AMBRA1: variants seen among roughly 807,000 people sequenced by gnomAD.
AMBRA1 encodes activating molecule in BECN1-regulated autophagy protein 1.
In AMBRA1, 47 loss-of-function variants were observed where a neutral mutation model predicts 125.4. The ratio of observed to expected loss-of-function variants is 0.37; its 90% CI spans 0.30 to 0.48. The LOEUF is 0.48. AMBRA1 is among the 20% of genes least tolerant of loss of function. AMBRA1 has a pLI of 0.99. For synonymous variants in AMBRA1, 626 were observed against 655.5 expected (o/e 0.95, Z 0.69); for missense variants, 1,331 against 1,693.4 (o/e 0.79, Z 3.76).
In AMBRA1 at chr11:46,542,595, T is replaced by C; in HGVS notation, c.1422A>G (p.Ala474=). The C allele has an allele frequency of 1.9e-6, 3 of 1,613,914 alleles. No homozygotes were observed. The highest frequency in any genetic ancestry group is 1.7e-6 in the Non-Finnish European group (2 of 1,180,026). The change falls in exon 7 of 18, where the codon GCA becomes GCG. Residue 474 remains alanine (A), a synonymous_variant. Transcript: ENST00000683756. This position sits in a 1 kb window ranked among gnomAD's most constrained non-coding sequence, Gnocchi z 5.9. ...TSATEGRGFP[A]SGLATESDGG... ...CATCTGACTCAGTTGCCAACCCTGATGCCGGAAAACCCCTCCCTTCTGTGG... is the reference window on the plus strand; with the variant it reads ...CATCTGACTCAGTTGCCAACCCTGACGCCGGAAAACCCCTCCCTTCTGTGG...
chr11:46,497,932 C>G (rs1378551407), intron 9 of AMBRA1, among the ~76,000 whole-genome samples: 2 of 152,048 alleles, frequency 1.3e-5, no homozygotes, highest in African/African-American at 4.8e-5. Flanking sequence ...AGTGGAAGAA[C>G]TGAAGGGAGA....
At position 46,397,558 on chromosome 11, in the gene AMBRA1, A is replaced by T. The variant is rs754257749; in HGVS notation, c.3789T>A (p.Ala1263=). Residue 1263 remains alanine, a synonymous_variant, in exon 18 of 18, where the codon GCT becomes GCA. Transcript: ENST00000683756. The part of the protein sequence containing the change: ...PVPIPVSLPS[A]EGPTLHCELT... ...ACTCGCAGTGGAGGGTTGGTCCCTCAGCGCTGGGAAGGGAAACAGGAATGG... is the reference window on the plus strand; with the variant it reads ...ACTCGCAGTGGAGGGTTGGTCCCTCTGCGCTGGGAAGGGAAACAGGAATGG... 1 of 1,565,730 alleles carries T rather than the reference A, an allele frequency of 6.4e-7. No individual in the cohort carries two copies.
At chr11:46,519,275 T>C (rs1951656720) in intron 7 of AMBRA1, among the ~76,000 whole-genome samples, 1 of 138,026 alleles carries the variant, frequency 7.2e-6, no homozygotes, top group South Asian at 2.1e-4. Context: ...CCACCCACTT[T>C]GGCCTCCCAA....
chr11:46,536,114 C>T (rs1020603512), intron 7 of AMBRA1, among the ~76,000 whole-genome samples: 2 of 152,132 alleles, frequency 1.3e-5, no homozygotes, highest in Non-Finnish European at 2.9e-5. Flanking sequence ...ATCTTTTTTA[C>T]TAAAAAGGCC....
chr11:46,553,168 C>T (rs1172761032), intron 1 of AMBRA1, among the ~76,000 whole-genome samples: 2 of 151,916 alleles, frequency 1.3e-5, no homozygotes, highest in South Asian at 4.2e-4. Flanking sequence ...GTCTCGAACT[C>T]CTGACCTCAG....
At chr11:46,468,485 C>G (rs946892670) in intron 11 of AMBRA1, among the ~76,000 whole-genome samples, 1 of 151,944 alleles carries the variant, frequency 6.6e-6, no homozygotes, top group African/African-American at 2.4e-5. Context: ...CCTAGTAGCA[C>G]AAGCATCACT....
chr11:46,569,837 G>A (rs1007118081), intron 1 of AMBRA1, among the ~76,000 whole-genome samples: 1 of 151,972 alleles, frequency 6.6e-6, no homozygotes, highest in Non-Finnish European at 1.5e-5. Context: ...GGTATGCACA[G>A]GTAATCCCAG....
At position 46,507,457 on chromosome 11, in the gene AMBRA1, C is replaced by T. The variant is rs568677745; in HGVS notation, c.2339+734G>A. On this transcript the variant is annotated intron_variant, in intron 9 of 17. Transcript: ENST00000683756. ...TAGCGCCACTGCACTCCAGCCTGAG[C>T]GAAAGAGCGAGACTCCGTCTCAAAA... Among the ~76,000 whole-genome samples the T allele has an allele frequency of 2.8e-3, 394 of 142,666 alleles. 2 individuals carry two copies. Among genetic ancestry groups the T allele is most frequent in the African/African-American group, 1.0e-2 (380 of 38,140 alleles). 93.6% of individuals were successfully genotyped at this position (142,666 alleles called of 152,430 possible).
intron 1 of AMBRA1, among the ~76,000 whole-genome samples, chr11:46,560,937 C>T (rs1165526887): frequency 1.3e-5 from 2 of 152,170 alleles, no homozygotes; most frequent in East Asian, 3.9e-4. Flanking sequence ...CATCCACCAA[C>T]AATATCAGGA....
chr11:46,487,149 T>A (rs1453547953), intron 11 of AMBRA1, among the ~76,000 whole-genome samples: 1 of 151,742 alleles, frequency 6.6e-6, no homozygotes, highest in Non-Finnish European at 1.5e-5. Context: ...TTCCAGCTAC[T>A]CAGGAGGCTG....
chr11:46,537,600 G>A (rs1408723549), intron 7 of AMBRA1, among the ~76,000 whole-genome samples: 1 of 152,076 alleles, frequency 6.6e-6, no homozygotes, highest in African/African-American at 2.4e-5. Flanking sequence ...TGAAGCAAAG[G>A]CCCACCACTC....
intron 1 of AMBRA1, among the ~76,000 whole-genome samples, chr11:46,574,735 C>T (rs72912144): frequency 4.6e-5 from 7 of 152,328 alleles, no homozygotes; most frequent in Non-Finnish European, 8.8e-5. Flanking sequence ...TCTTGGGCAC[C>T]TCCAAAGAAT....
At position 46,420,151 on chromosome 11, in the gene AMBRA1, C is replaced by T. The variant is rs186314956; in HGVS notation, c.2977-2099G>A. On this transcript the variant is annotated intron_variant, in intron 14 of 17. Transcript: ENST00000683756. Reference sequence around the variant, plus strand: ...ATGGAACTGGTTCAGGTTTGAGGCACGGCACTGACTGCCCTGTGGCAGCTG... The same window carrying T: ...ATGGAACTGGTTCAGGTTTGAGGCATGGCACTGACTGCCCTGTGGCAGCTG... 2.1e-4 allele frequency among the ~76,000 whole-genome samples: 32 copies of T among 152,294 alleles called. 1 individual carries two copies. Among genetic ancestry groups the T allele is most frequent in the East Asian group, 1.2e-3 (6 of 5,190 alleles).
intron 1 of AMBRA1, among the ~76,000 whole-genome samples, chr11:46,581,837 G>A (rs983047963): frequency 7.9e-5 from 12 of 151,088 alleles, no homozygotes; most frequent in Non-Finnish European, 1.2e-4. Context: ...AAGCCTTGCT[G>A]GGTGTGGTAG....
chr11:46,459,345 T>C (rs1225058301), intron 11 of AMBRA1, among the ~76,000 whole-genome samples: 1 of 152,132 alleles, frequency 6.6e-6, no homozygotes, highest in Admixed American at 6.5e-5. Context: ...TTTTACTTTA[T>C]ATATTTTGGT....
chr11:46,427,878 G>A (rs1475930293), intron 14 of AMBRA1, among the ~76,000 whole-genome samples: 1 of 151,930 alleles, frequency 6.6e-6, no homozygotes, highest in East Asian at 1.9e-4. Flanking sequence ...GAGTGGTGGC[G>A]AGTGCCTGTA....
chr11:46,531,878 G>A (rs1047422272), intron 7 of AMBRA1, among the ~76,000 whole-genome samples: 1 of 152,100 alleles, frequency 6.6e-6, no homozygotes, highest in African/African-American at 2.4e-5. Flanking sequence ...AATACTTTGG[G>A]AGGCCAAGGG....
chr11:46,410,926 C>A (rs1946258017), intron 15 of AMBRA1, among the ~76,000 whole-genome samples: 1 of 152,112 alleles, frequency 6.6e-6, no homozygotes, highest in Non-Finnish European at 1.5e-5. Context: ...CATTGTGAAA[C>A]CCTGTCTCTA....
At chr11:46,475,309 G>A (rs188678084) in intron 11 of AMBRA1, among the ~76,000 whole-genome samples, 4 of 152,266 alleles carry the variant, frequency 2.6e-5, no homozygotes, top group African/African-American at 7.2e-5. Context: ...ATTTGCTAAC[G>A]TTCAACGTTT....
Sources: gnomAD v4.1 joint callset for allele counts (sites outside exome capture counted in the v4.1 genomes callset) on GRCh38, gnomAD v4.1.1 for gene constraint, Gnocchi (gnomAD v3.1) non-coding constraint, MANE v1.5 for transcripts, NCBI Gene and HGNC (gene_info 2026-07-23, HGNC 2026-07-21) for gene names.